COBL: variants seen among roughly 807,000 people sequenced by gnomAD.
COBL encodes the protein protein cordon-bleu.
A neutral mutation model predicts 98.8 loss-of-function variants in COBL; 51 were observed. The observed-to-expected ratio is 0.52, with a 90% CI of 0.41 to 0.65. COBL has a LOEUF of 0.65. COBL is among the 30% of genes least tolerant of loss of function. COBL has a pLI of 0.00. For missense variants in COBL, 1,617 were observed against 1,617.5 expected (o/e 1.00, Z 0.01); for synonymous variants, 634 against 651.7 (o/e 0.97, Z 0.41).
chr7:51,162,698 A>G (rs1380120175), intron 5 of COBL, among the ~76,000 whole-genome samples: 1 of 152,204 alleles, frequency 6.6e-6, no homozygotes, highest in East Asian at 1.9e-4. Context: ...AATCGCTACA[A>G]TGAACCTACA....
chr7:51,080,777 G>A (rs1238112494), intron 7 of COBL, among the ~76,000 whole-genome samples: 4 of 152,160 alleles, frequency 2.6e-5, no homozygotes, highest in African/African-American at 4.8e-5. Flanking sequence ...AGTTTGCTCA[G>A]GAGCCCAGGG....
At chr7:51,293,367 A>G (rs1801092820) in intron 1 of COBL, among the ~76,000 whole-genome samples, 1 of 152,224 alleles carries the variant, frequency 6.6e-6, no homozygotes, top group Non-Finnish European at 1.5e-5. Flanking sequence ...ATGTCAATCA[A>G]TGGGAGAACA....
intron 1 of COBL, among the ~76,000 whole-genome samples, chr7:51,272,882 A>G (rs553808739): frequency 6.6e-6 from 1 of 152,218 alleles, no homozygotes; most frequent in South Asian, 2.1e-4. Flanking sequence ...AGACAACTTA[A>G]TACTACACAA....
At chr7:51,026,014 C>T (rs1787515091) in intron 11 of COBL, among the ~76,000 whole-genome samples, 1 of 152,204 alleles carries the variant, frequency 6.6e-6, no homozygotes, top group Non-Finnish European at 1.5e-5. Context: ...ACATCCAACC[C>T]ATTACTGGGG....
chr7:51,179,957 A>C (rs1788778150), intron 5 of COBL, among the ~76,000 whole-genome samples: 1 of 152,266 alleles, frequency 6.6e-6, no homozygotes, highest in East Asian at 1.9e-4. Context: ...CATCAAGAAA[A>C]CTTTTCTTTT....
At chr7:51,088,801 G>T (rs1794528290) in intron 6 of COBL, among the ~76,000 whole-genome samples, 1 of 152,182 alleles carries the variant, frequency 6.6e-6, no homozygotes, top group South Asian at 2.1e-4. Flanking sequence ...TGCTAGCTCG[G>T]CCATCTTCTG....
chr7:51,292,504 T>C (rs1218610764), intron 1 of COBL, among the ~76,000 whole-genome samples: 1 of 152,258 alleles, frequency 6.6e-6, no homozygotes. Context: ...ATTCTTTAAA[T>C]GGCCCCTTTA....
At chr7:51,283,915 T>A (rs968779375) in intron 1 of COBL, among the ~76,000 whole-genome samples, 1 of 151,820 alleles carries the variant, frequency 6.6e-6, no homozygotes, top group African/African-American at 2.4e-5. Flanking sequence ...GACAGACACA[T>A]CACAAGAAAA....
intron 6 of COBL, among the ~76,000 whole-genome samples, chr7:51,127,833 A>G (rs1798369483): frequency 6.6e-6 from 1 of 152,204 alleles, no homozygotes; most frequent in Admixed American, 6.5e-5. Flanking sequence ...TTGAGTTACC[A>G]ACCGCTGGCA....
At chr7:51,157,652 T>C (rs1786316465) in intron 5 of COBL, among the ~76,000 whole-genome samples, 1 of 152,194 alleles carries the variant, frequency 6.6e-6, no homozygotes. Flanking sequence ...TCCCCCTCAA[T>C]ATTCATTGTT....
intron 1 of COBL, among the ~76,000 whole-genome samples, chr7:51,226,558 CTAAGTGAGTGAG>C (rs1563062475): frequency 1.4e-5 from 1 of 72,242 alleles, no homozygotes; most frequent in Non-Finnish European, 3.9e-5. Flanking sequence ...AAGTGAGTGA[CTAAGTGAGTGAG>C]TAAGTGAGTG....
intron 2 of COBL, among the ~76,000 whole-genome samples, chr7:51,211,116 G>T (rs777751324): frequency 1.8e-4 from 28 of 152,196 alleles, no homozygotes; most frequent in Non-Finnish European, 3.8e-4. Context: ...GTGCCACTGG[G>T]CCATGGGCAA....
chr7:51,291,114 G>A (rs1800851547), intron 1 of COBL, among the ~76,000 whole-genome samples: 1 of 152,184 alleles, frequency 6.6e-6, no homozygotes, highest in Admixed American at 6.5e-5. Flanking sequence ...CCCTGTTAGA[G>A]CCAGCAAGCC....
At chr7:51,217,322 CCATTTTCTTTT>C (rs1793148964) in intron 2 of COBL, among the ~76,000 whole-genome samples, 1 of 149,702 alleles carries the variant, frequency 6.7e-6, no homozygotes, top group Non-Finnish European at 1.5e-5. Context: ...ATCCACAATG[CCATTTTCTTTT>C]CTTTTTCTTT....
chr7:51,092,234 C>A (rs2128951012), intron 6 of COBL, among the ~76,000 whole-genome samples: 1 of 152,332 alleles, frequency 6.6e-6, no homozygotes, highest in South Asian at 2.1e-4. Flanking sequence ...CCCCACTGGT[C>A]CGTGGAAAAA....
intron 1 of COBL, among the ~76,000 whole-genome samples, chr7:51,295,741 G>C (rs963622341): frequency 6.6e-6 from 1 of 152,158 alleles, no homozygotes; most frequent in Non-Finnish European, 1.5e-5. Context: ...CCAAGAACTT[G>C]TGGCCAACCT....
intron 1 of COBL, among the ~76,000 whole-genome samples, chr7:51,302,710 C>T (rs113077510): frequency 2.6e-5 from 4 of 152,124 alleles, no homozygotes; most frequent in African/African-American, 9.6e-5. Flanking sequence ...CTGGCCTGGT[C>T]AATGCAGCAA....
intron 7 of COBL, among the ~76,000 whole-genome samples, chr7:51,062,283 C>CTCTT (rs989945407): frequency 2.6e-5 from 4 of 152,026 alleles, no homozygotes; most frequent in African/African-American, 9.7e-5. Flanking sequence ...CTCTCTCTCT[C>CTCTT]TCTCTCTCTT....
At chr7:51,223,550 T>C (rs1452045944) in intron 1 of COBL, among the ~76,000 whole-genome samples, 1 of 152,142 alleles carries the variant, frequency 6.6e-6, no homozygotes, top group Non-Finnish European at 1.5e-5. Flanking sequence ...CCTGAACCAT[T>C]CTTCAATATC....
Sources: gnomAD v4.1 joint callset for allele counts (sites outside exome capture counted in the v4.1 genomes callset) on GRCh38, gnomAD v4.1.1 for gene constraint, MANE v1.5 for transcripts, NCBI Gene and HGNC (gene_info 2026-07-23, HGNC 2026-07-21) for gene names.